The following ABLIM1 variants were observed in gnomAD, a reference collection of about 807,000 sequenced individuals.
ABLIM1 encodes actin-binding LIM protein 1.
Under a neutral mutation model 107.0 loss-of-function variants are expected in ABLIM1, and 40 were observed. The observed-to-expected ratio is 0.37, with a 90% CI of 0.29 to 0.49. The LOEUF is 0.49. ABLIM1 is among the 20% of genes least tolerant of loss of function. ABLIM1 has a pLI of 0.97. For synonymous variants in ABLIM1, 357 were observed against 357.3 expected, an observed-to-expected ratio of 1.00 and a Z score of 0.01; for missense variants, 857 against 1,008.5, an observed-to-expected ratio of 0.85 and a Z score of 2.04.
At chr10:114,438,764 C>A (rs935892500) in intron 21 of ABLIM1, among the ~76,000 whole-genome samples, 1 of 152,214 alleles carries the variant, frequency 6.6e-6, no homozygotes, top group Admixed American at 6.5e-5. Context: ...GTACAGGGTG[C>A]TCTGGAGCTA....
At chr10:114,757,301 A>G (rs60163199) in intron 1 of ABLIM1, among the ~76,000 whole-genome samples, 6,050 of 152,292 alleles carry the variant, frequency 0.04, 410 homozygotes, top group African/African-American at 0.14. Context: ...ATCCTGAGTC[A>G]ACCACTTATT....
intron 1 of ABLIM1, among the ~76,000 whole-genome samples, chr10:114,716,456 G>C (rs1343956854): frequency 6.8e-6 from 1 of 147,508 alleles, no homozygotes; most frequent in Non-Finnish European, 1.5e-5. Flanking sequence ...CCTCCCCACA[G>C]CCTCAAAGAG....
intron 4 of ABLIM1, among the ~76,000 whole-genome samples, chr10:114,566,062 C>T (rs142743340): frequency 0.019 from 2,832 of 152,004 alleles, 90 homozygotes; most frequent in African/African-American, 0.064. Context: ...CCCAAAGTGC[C>T]GGGATTAGAG....
At chr10:114,708,687 G>A (rs2081477827) in intron 1 of ABLIM1, among the ~76,000 whole-genome samples, 1 of 152,188 alleles carries the variant, frequency 6.6e-6, no homozygotes, top group Non-Finnish European at 1.5e-5. Context: ...GGAAAGAAGA[G>A]CAGAGAAAAT....
chr10:114,667,859 A>G (rs1293299872), intron 1 of ABLIM1, among the ~76,000 whole-genome samples: 3 of 152,194 alleles, frequency 2.0e-5, no homozygotes, highest in East Asian at 1.9e-4. Flanking sequence ...ATGTACCCCA[A>G]TGCAAAAATA....
In ABLIM1 at chr10:114,643,579, C is replaced by CTTTTTT. The variant is rs34191046; in HGVS notation, c.244+14372_244+14377dup. On this transcript the variant is annotated intron_variant, in intron 1 of 22. Coordinates refer to ENST00000533213, the MANE Select transcript of ABLIM1 (RefSeq NM_002313.7). ...ACTTTTTACTGATTATATCCAGATT[C>CTTTTTT]TTTTTTTTTTTTTTTTGAGATAGTG... 3.5e-3 allele frequency among the ~76,000 whole-genome samples: 484 copies of CTTTTTT among 136,720 alleles called. 3 individuals are homozygous for CTTTTTT. Among genetic ancestry groups the CTTTTTT allele is most frequent in the African/African-American group, 0.013 (463 of 37,010 alleles). 89.7% of individuals were successfully genotyped at this position (136,720 alleles called of 152,430 possible).
intron 4 of ABLIM1, among the ~76,000 whole-genome samples, chr10:114,559,160 T>C (rs370968391): frequency 6.6e-6 from 1 of 152,158 alleles, no homozygotes; most frequent in African/African-American, 2.4e-5. Flanking sequence ...TCATAGGGAC[T>C]GACCTGAAAT....
intron 1 of ABLIM1, among the ~76,000 whole-genome samples, chr10:114,646,592 G>A (rs1045888207): frequency 2.0e-5 from 3 of 152,162 alleles, no homozygotes; most frequent in Non-Finnish European, 2.9e-5. Flanking sequence ...CAGAGATACC[G>A]ACCAAACGGT....
intron 1 of ABLIM1, among the ~76,000 whole-genome samples, chr10:114,745,096 C>A (rs1346382278): frequency 6.6e-6 from 1 of 152,120 alleles, no homozygotes; most frequent in Non-Finnish European, 1.5e-5. Context: ...TCTTGTCAAT[C>A]CCCCCTCCAA....
chr10:114,577,216 C>T (rs529869631), intron 2 of ABLIM1, among the ~76,000 whole-genome samples: 9 of 152,230 alleles, frequency 5.9e-5, no homozygotes, highest in African/African-American at 1.9e-4. Context: ...CTAATTGTAT[C>T]TAATATAAAA....
chr10:114,599,105 G>T (rs143296116), intron 2 of ABLIM1, among the ~76,000 whole-genome samples: 3 of 152,170 alleles, frequency 2.0e-5, no homozygotes, highest in Non-Finnish European at 4.4e-5. Flanking sequence ...TGGGACACAA[G>T]ATAGTAGCCA....
At chr10:114,628,375 A>G (rs1286239372) in intron 1 of ABLIM1, among the ~76,000 whole-genome samples, 1 of 152,264 alleles carries the variant, frequency 6.6e-6, no homozygotes, top group Non-Finnish European at 1.5e-5. Flanking sequence ...TCAACATCAT[A>G]CAATGCACAA....
At position 114,701,246 on chromosome 10, in the gene ABLIM1, T is replaced by C. The variant is rs112068912; in HGVS notation, c.-213+66815A>G. Among the ~76,000 whole-genome samples the C allele has an allele frequency of 4.0e-3, 611 of 152,304 alleles. 5 individuals carry two copies. Among genetic ancestry groups the C allele is most frequent in the African/African-American group, 0.014 (595 of 41,580 alleles). ...AGTAAAAATCACAACAAGATACCAC[T>C]ATGCCAAATTAAAATACCAAATATT... On this transcript the variant is annotated intron_variant, in intron 1 of 15. Transcript: ENST00000651092.
rs552043613 is a variant in ABLIM1 at position 114,718,144 on chromosome 10, AAG to A, written c.-213+49915_-213+49916del. Among the ~76,000 whole-genome samples, 201 of 151,630 alleles carry A rather than the reference AAG, an allele frequency of 1.3e-3. 5 individuals carry two copies. The East Asian group carries it at 0.032, about 24-fold the overall frequency. On this transcript the variant is annotated intron_variant, in intron 1 of 15. Coordinates refer to the ABLIM1 transcript ENST00000651092. ...GAAAAAGAAAGAAAAGAAAGAAAGAAAGAGAAAAAAAGAAAAAGAAAGAAAGG... is the reference window on the plus strand; with the variant it reads ...GAAAAAGAAAGAAAAGAAAGAAAGAAAGAAAAAAAGAAAAAGAAAGAAAGG...
At chr10:114,700,491 A>C (rs929570658) in intron 1 of ABLIM1, among the ~76,000 whole-genome samples, 1 of 148,456 alleles carries the variant, frequency 6.7e-6, no homozygotes, top group Non-Finnish European at 1.5e-5. Flanking sequence ...AAACAATTAA[A>C]ACACACACAC....
intron 10 of ABLIM1, among the ~76,000 whole-genome samples, chr10:114,470,144 C>T (rs1205587382): frequency 6.6e-6 from 1 of 152,126 alleles, no homozygotes; most frequent in Non-Finnish European, 1.5e-5. Context: ...GTATAAAGGC[C>T]AGGTGCGGTG....
intron 1 of ABLIM1, among the ~76,000 whole-genome samples, chr10:114,729,501 G>C (rs1163543131): frequency 6.6e-6 from 1 of 152,080 alleles, no homozygotes; most frequent in Non-Finnish European, 1.5e-5. Context: ...TTCCCAAATT[G>C]AAACAGAAGC....
At chr10:114,791,655 C>T in the ABLIM1 span, among the ~76,000 whole-genome samples, 71 of 150,576 alleles carry the variant, frequency 4.7e-4, 1 homozygote, top group African/African-American at 1.6e-3. Flanking sequence ...AAAACAAAAA[C>T]AAGAAAACAA....
chr10:114,638,094 G>A (rs1437113521), intron 1 of ABLIM1, among the ~76,000 whole-genome samples: 1 of 152,296 alleles, frequency 6.6e-6, no homozygotes, highest in Non-Finnish European at 1.5e-5. Flanking sequence ...CTCTCTGAGG[G>A]AAAGGGTCAC....
Sources: gnomAD v4.1 joint callset for allele counts (sites outside exome capture counted in the v4.1 genomes callset) on GRCh38, gnomAD v4.1.1 for gene constraint, MANE v1.5 for transcripts, NCBI Gene and HGNC (gene_info 2026-07-23, HGNC 2026-07-21) for gene names.